MAGI1: variants seen among roughly 807,000 people sequenced by gnomAD.
MAGI1 encodes the protein membrane associated guanylate kinase, WW and PDZ domain containing 1.
A neutral mutation model predicts 139.9 loss-of-function variants in MAGI1; 58 were observed. The observed-to-expected ratio is 0.41, with a 90% CI of 0.34 to 0.52. The LOEUF is 0.52. MAGI1 is among the 20% of genes least tolerant of loss of function. MAGI1 has a pLI of 0.12. For missense variants in MAGI1, 1,874 were observed against 1,901.6 expected (o/e 0.99, Z 0.27); for synonymous variants, 812 against 737.9 (o/e 1.10, Z -1.63).
In MAGI1 at chr3:65,452,167, C is replaced by T. The variant is rs182188375; in HGVS notation, c.1042+1091G>A. The stretch of plus-strand genomic sequence containing the variant: ...AGATAAAACAAACATCTTGGTCATG[C>T]CTCCTAAGTTAGAAGGACTTTTGTT... On this transcript the variant is annotated intron_variant, in intron 6 of 22. Transcript: ENST00000402939. Among the ~76,000 whole-genome samples the T allele has an allele frequency of 2.6e-5, 4 of 151,924 alleles. No homozygotes were observed. In the East Asian group the frequency reaches 5.8e-4, roughly 22 times the overall value.
chr3:66,025,873 T>C (rs1226604238), intron 1 of MAGI1, among the ~76,000 whole-genome samples: 3 of 152,140 alleles, frequency 2.0e-5, no homozygotes, highest in Admixed American at 6.5e-5. Context: ...ACCAGGAAAA[T>C]ACATAAGCTG....
intron 22 of MAGI1, among the ~76,000 whole-genome samples, chr3:65,358,018 T>C (rs1940382362): frequency 6.6e-6 from 1 of 152,062 alleles, no homozygotes; most frequent in South Asian, 2.1e-4. Context: ...CAAATAAAAT[T>C]TTTGGTTTAG....
At chr3:65,624,405 T>C (rs2083854593) in intron 1 of MAGI1, among the ~76,000 whole-genome samples, 1 of 152,134 alleles carries the variant, frequency 6.6e-6, no homozygotes, top group Admixed American at 6.5e-5. Context: ...ATAAGCAAAC[T>C]GTGGTATAAT....
intron 1 of MAGI1, among the ~76,000 whole-genome samples, chr3:65,919,555 CT>C (rs1389020847): frequency 1.3e-5 from 2 of 151,442 alleles, no homozygotes; most frequent in Non-Finnish European, 2.9e-5. Context: ...GAGCAAGACC[CT>C]GTCTCAAAAA....
intron 1 of MAGI1, among the ~76,000 whole-genome samples, chr3:65,726,176 C>T (rs940872867): frequency 9.2e-5 from 14 of 152,270 alleles, no homozygotes; most frequent in Admixed American, 6.5e-4. Flanking sequence ...ACAGTCTTGT[C>T]ATTGATTAGA....
rs571887766 is a variant in MAGI1, at chr3:65,493,821, A to C, written c.431-190T>G. 1.4e-4 allele frequency among the ~76,000 whole-genome samples: 21 copies of C among 152,234 alleles called. No individual in the cohort carries two copies. The South Asian group carries it at 4.4e-3, about 32-fold the overall frequency. ...ACAACACAACAGCATTCTCATTTCC[A>C]CACTCTAGTGCCTGGGACCCCAAAT... On this transcript the variant is annotated intron_variant, in intron 2 of 22. Coordinates refer to ENST00000402939, the MANE Select transcript of MAGI1 (RefSeq NM_001033057.2).
At chr3:65,421,344 A>G (rs375003359) in intron 12 of MAGI1, among the ~76,000 whole-genome samples, 2 of 152,306 alleles carry the variant, frequency 1.3e-5, no homozygotes, top group South Asian at 2.1e-4. Context: ...TTTAACTTGA[A>G]CAACTTTTAA....
intron 1 of MAGI1, among the ~76,000 whole-genome samples, chr3:65,976,834 A>G (rs1414971991): frequency 6.6e-6 from 1 of 152,248 alleles, no homozygotes; most frequent in Non-Finnish European, 1.5e-5. Context: ...ATCGTAAATT[A>G]GCAGAAGCTT....
chr3:65,434,682 A>C (rs1947707595), intron 10 of MAGI1, among the ~76,000 whole-genome samples: 1 of 152,182 alleles, frequency 6.6e-6, no homozygotes, highest in Admixed American at 6.6e-5. Flanking sequence ...ATAACCAATG[A>C]GGCTAAAGTC....
intron 1 of MAGI1, among the ~76,000 whole-genome samples, chr3:66,033,587 T>C (rs534786307): frequency 2.9e-4 from 44 of 152,130 alleles, no homozygotes; most frequent in Non-Finnish European, 4.9e-4. Flanking sequence ...TTCCAATGAA[T>C]CAAAACAATA....
chr3:66,022,853 A>G (rs2068033263), intron 1 of MAGI1, among the ~76,000 whole-genome samples: 1 of 152,216 alleles, frequency 6.6e-6, no homozygotes, highest in Non-Finnish European at 1.5e-5. Context: ...GAAATAAAAC[A>G]GGTTTCATAT....
intron 2 of MAGI1, among the ~76,000 whole-genome samples, chr3:65,567,016 C>T (rs527633431): frequency 6.6e-6 from 1 of 150,530 alleles, no homozygotes; most frequent in Non-Finnish European, 1.5e-5. Flanking sequence ...GCTCCCTCCA[C>T]AGGGAGGGAG....
At chr3:65,390,309 C>T (rs983186636) in intron 14 of MAGI1, among the ~76,000 whole-genome samples, 4 of 152,160 alleles carry the variant, frequency 2.6e-5, no homozygotes, top group Non-Finnish European at 4.4e-5. Context: ...CTCTCTCCTA[C>T]CCCATACCAA....
At chr3:65,779,528 A>T (rs2038759557) in intron 1 of MAGI1, among the ~76,000 whole-genome samples, 1 of 152,256 alleles carries the variant, frequency 6.6e-6, no homozygotes, top group Non-Finnish European at 1.5e-5. Flanking sequence ...CAAACTTTAG[A>T]AAGGTAAAGT....
At chr3:65,615,334 G>T (rs2083315651) in intron 2 of MAGI1, among the ~76,000 whole-genome samples, 1 of 152,146 alleles carries the variant, frequency 6.6e-6, no homozygotes, top group South Asian at 2.1e-4. Flanking sequence ...AAGATTTCCA[G>T]CAGGGATGGA....
chr3:65,595,109 TTCTC>T (rs1400866087), intron 2 of MAGI1, among the ~76,000 whole-genome samples: 2 of 152,178 alleles, frequency 1.3e-5, no homozygotes, highest in African/African-American at 2.4e-5. Flanking sequence ...GGAGATCTTA[TTCTC>T]TCTGTCTTCT....
chr3:65,709,187 C>T (rs898614279), intron 1 of MAGI1, among the ~76,000 whole-genome samples: 9 of 152,166 alleles, frequency 5.9e-5, no homozygotes, highest in African/African-American at 7.2e-5. Context: ...ACATCATTCT[C>T]GCTTGGTTTT....
At chr3:65,442,985 C>CA (rs1427255458) in intron 7 of MAGI1, 136 bp from the exon 8 acceptor site, 18,849 of 373,178 alleles carry the variant, frequency 0.051, 41 homozygotes, top group East Asian at 0.062. Flanking sequence ...ATATCCTAAC[C>CA]AAAAAAAAAA....
intron 1 of MAGI1, among the ~76,000 whole-genome samples, chr3:65,867,877 G>A (rs1234039915): frequency 6.6e-6 from 1 of 152,132 alleles, no homozygotes; most frequent in African/African-American, 2.4e-5. Flanking sequence ...CTGCACTGGA[G>A]ACTCAGGGTC....
Sources: gnomAD v4.1 joint callset for allele counts (sites outside exome capture counted in the v4.1 genomes callset) on GRCh38, gnomAD v4.1.1 for gene constraint, MANE v1.5 for transcripts, NCBI Gene and HGNC (gene_info 2026-07-23, HGNC 2026-07-21) for gene names.